ULK4: variants seen among roughly 807,000 people sequenced by gnomAD.
The protein encoded by ULK4 is inactive serine/threonine-protein kinase ULK4.
A neutral mutation model predicts 160.6 loss-of-function variants in ULK4; 133 were observed. The ratio of observed to expected loss-of-function variants is 0.83; its 90% CI spans 0.72 to 0.96. The LOEUF is 0.96. Among genes scored for constraint, ULK4 ranks in the 40% least tolerant of loss-of-function variants. ULK4 has a pLI of 0.00. For synonymous variants in ULK4, 534 were observed against 539.8 expected (o/e 0.99, Z 0.15); for missense variants, 1,580 against 1,499.5 (o/e 1.05, Z -0.89).
intron 18 of ULK4, among the ~76,000 whole-genome samples, chr3:41,824,638 A>G (rs2041278281): frequency 6.6e-6 from 1 of 152,170 alleles, no homozygotes; most frequent in South Asian, 2.1e-4. Flanking sequence ...ACCATTGCCG[A>G]GGCTTGAGTA....
intron 19 of ULK4, among the ~76,000 whole-genome samples, chr3:41,805,327 T>C (rs2125611862): frequency 6.6e-6 from 1 of 152,340 alleles, no homozygotes; most frequent in East Asian, 1.9e-4. Context: ...TTTTGTACAT[T>C]GATTTTGTAT....
At chr3:41,751,859 C>G (rs1357957416) in intron 22 of ULK4, among the ~76,000 whole-genome samples, 1 of 152,128 alleles carries the variant, frequency 6.6e-6, no homozygotes, top group Admixed American at 6.5e-5. Flanking sequence ...AAACAGCAAC[C>G]AAGAAGAGCC....
intron 34 of ULK4, among the ~76,000 whole-genome samples, chr3:41,438,457 C>T (rs149363574): frequency 8.5e-5 from 13 of 152,162 alleles, no homozygotes; most frequent in African/African-American, 3.1e-4. Context: ...TGCACCCTTC[C>T]CCAGTAGAAA....
chr3:41,689,624 G>T (rs527773724), intron 27 of ULK4, among the ~76,000 whole-genome samples: 1 of 152,170 alleles, frequency 6.6e-6, no homozygotes, highest in South Asian at 2.1e-4. Flanking sequence ...TCAAAAAGTG[G>T]GCAAAGGACA....
chr3:41,455,905 C>A (rs1416863628), intron 33 of ULK4, among the ~76,000 whole-genome samples: 1 of 151,976 alleles, frequency 6.6e-6, no homozygotes, highest in Non-Finnish European at 1.5e-5. Flanking sequence ...AGTGAGGAAG[C>A]GCTTAATCTT....
intron 32 of ULK4, among the ~76,000 whole-genome samples, chr3:41,546,767 TAAAAAAAAAA>T (rs1158675738): frequency 3.1e-5 from 1 of 32,538 alleles, no homozygotes; most frequent in African/African-American, 8.7e-5. Flanking sequence ...CCTAGGCCCT[TAAAAAAAAAA>T]AAAAAAAAAA....
intron 29 of ULK4, among the ~76,000 whole-genome samples, chr3:41,667,326 T>C (rs1575548361): frequency 6.6e-6 from 1 of 152,212 alleles, no homozygotes; most frequent in African/African-American, 2.4e-5. Context: ...CGTTCTGTTT[T>C]CCTCCTGTTG....
At chr3:41,381,644 A>G (rs1203555383) in intron 35 of ULK4, among the ~76,000 whole-genome samples, 1 of 152,094 alleles carries the variant, frequency 6.6e-6, no homozygotes, top group Non-Finnish European at 1.5e-5. Context: ...AAATATAACC[A>G]TTTTTTACCC....
chr3:41,714,985 A>T (rs1239592528), intron 25 of ULK4, among the ~76,000 whole-genome samples: 1 of 152,124 alleles, frequency 6.6e-6, no homozygotes, highest in African/African-American at 2.4e-5. Context: ...AAAATCTATG[A>T]AAGTGTTTCT....
chr3:41,418,628 T>G (rs183058126), intron 34 of ULK4, among the ~76,000 whole-genome samples: 1 of 152,204 alleles, frequency 6.6e-6, no homozygotes, highest in Non-Finnish European at 1.5e-5. Context: ...GAAATGTGTA[T>G]GCTTTTAATC....
At chr3:41,923,071 G>A (rs555365553) in intron 5 of ULK4, among the ~76,000 whole-genome samples, 52 of 151,934 alleles carry the variant, frequency 3.4e-4, no homozygotes, top group African/African-American at 1.2e-3. Context: ...CTACTCGGGA[G>A]GCAGGAGAAT....
intron 35 of ULK4, among the ~76,000 whole-genome samples, chr3:41,250,158 G>A (rs2078719021): frequency 6.6e-6 from 1 of 152,042 alleles, no homozygotes; most frequent in African/African-American, 2.4e-5. Flanking sequence ...ACACTCTCAG[G>A]GCTAGAATAG....
chr3:41,776,028 G>A (rs1445860947), intron 21 of ULK4, among the ~76,000 whole-genome samples: 3 of 150,828 alleles, frequency 2.0e-5, no homozygotes, highest in Admixed American at 6.6e-5. Context: ...GCTCAGGTAT[G>A]TGCATCTTCA....
At chr3:41,576,911 A>C (rs995128757) in intron 31 of ULK4, among the ~76,000 whole-genome samples, 4 of 152,208 alleles carry the variant, frequency 2.6e-5, no homozygotes, top group Non-Finnish European at 4.4e-5. Flanking sequence ...AACTGCTCAC[A>C]AACATAAAGT....
At chr3:41,668,927 A>G (rs1200493203) in intron 29 of ULK4, among the ~76,000 whole-genome samples, 1 of 152,206 alleles carries the variant, frequency 6.6e-6, no homozygotes, top group Non-Finnish European at 1.5e-5. Context: ...AAACCACCAT[A>G]AACAAACCAA....
intron 32 of ULK4, among the ~76,000 whole-genome samples, chr3:41,481,152 T>C (rs957014501): frequency 2.0e-5 from 3 of 152,224 alleles, no homozygotes; most frequent in Non-Finnish European, 2.9e-5. Flanking sequence ...AAAAGTTACA[T>C]GGAGGCTTTT....
intron 32 of ULK4, among the ~76,000 whole-genome samples, chr3:41,488,151 A>G (rs9818212): frequency 0.41 from 62,290 of 152,118 alleles, 12,930 homozygotes; most frequent in African/African-American, 0.43. Context: ...AGAACAATAC[A>G]TAGAGAATAA....
At chr3:41,576,683 C>CCA (rs1177130542) in intron 31 of ULK4, among the ~76,000 whole-genome samples, 6 of 152,114 alleles carry the variant, frequency 3.9e-5, no homozygotes, top group Non-Finnish European at 8.8e-5. Flanking sequence ...AAGGCCTTTC[C>CCA]CAAAATGCTT....
intron 35 of ULK4, among the ~76,000 whole-genome samples, chr3:41,357,843 A>C (rs13315196): frequency 0.22 from 33,857 of 152,144 alleles, 3,922 homozygotes; most frequent in Middle Eastern, 0.32. Flanking sequence ...AAAGATGAAC[A>C]AAAATATTAC....
Sources: gnomAD v4.1 joint callset for allele counts (sites outside exome capture counted in the v4.1 genomes callset) on GRCh38, gnomAD v4.1.1 for gene constraint, MANE v1.5 for transcripts, NCBI Gene and HGNC (gene_info 2026-07-23, HGNC 2026-07-21) for gene names.